The following PIGU variants were observed in gnomAD, a reference collection of about 807,000 sequenced individuals.
PIGU encodes phosphatidylinositol glycan anchor biosynthesis class U, also known as GPI-anchor transamidase component PIGU.
A neutral mutation model predicts 49.9 loss-of-function variants in PIGU; 24 were observed. The observed-to-expected ratio is 0.48, with a 90% CI of 0.35 to 0.68. The LOEUF (loss-of-function observed/expected upper bound fraction) is 0.68. Among genes scored for constraint, PIGU ranks in the 30% least tolerant of loss-of-function variants. The pLI is 0.01. For missense variants in PIGU, 490 were observed against 532.6 expected, an observed-to-expected ratio of 0.92 and a Z score of 0.79; for synonymous variants, 220 against 205.7, an observed-to-expected ratio of 1.07 and a Z score of -0.59.
chr20:34,600,329 C>T (rs1284757218), intron 7 of PIGU, among the ~76,000 whole-genome samples: 1 of 151,628 alleles, frequency 6.6e-6, no homozygotes, highest in African/African-American at 2.4e-5. Flanking sequence ...GATGCTTGAA[C>T]CTGGGAGGCG....
intron 8 of PIGU, 30 bp downstream of exon 8, chr20:34,588,423 C>G (rs185756727): frequency 2.5e-6 from 4 of 1,595,926 alleles, no homozygotes; most frequent in Admixed American, 3.4e-5. Context: ...CCCACAGCTT[C>G]TAGAATTTTC....
chr20:34,597,066 T>C (rs962224820), intron 7 of PIGU, among the ~76,000 whole-genome samples: 1 of 152,128 alleles, frequency 6.6e-6, no homozygotes, highest in Non-Finnish European at 1.5e-5. Context: ...GTGCAAAAAC[T>C]TTGAAAAACT....
intron 11 of PIGU, 49 bp downstream of exon 11, chr20:34,575,055 G>A (rs776250459): frequency 5.0e-6 from 8 of 1,602,848 alleles, no homozygotes; most frequent in Admixed American, 3.4e-5. Context: ...GCTTGAGGCT[G>A]CAAAATGAAT....
At chr20:34,618,943 G>A (rs1311455670) in intron 6 of PIGU, among the ~76,000 whole-genome samples, 3 of 152,220 alleles carry the variant, frequency 2.0e-5, no homozygotes, top group African/African-American at 7.2e-5. Flanking sequence ...AAAGTGGTCT[G>A]TATACTTGAA....
chr20:34,575,263 T>C lies in PIGU; in HGVS notation c.1052-17A>G. Reference sequence around the variant, plus strand: ...TTCTCAGGACTGCAAAGACAGAGGGTTACAGTTAGCCTGACACGCTCTCTC... The same window carrying C: ...TTCTCAGGACTGCAAAGACAGAGGGCTACAGTTAGCCTGACACGCTCTCTC... On this transcript the variant is annotated splice_polypyrimidine_tract_variant and intron_variant, in intron 10 of 11. Transcript: ENST00000217446. The C allele has an allele frequency of 6.2e-7, 1 of 1,612,274 alleles. No homozygotes were observed. Among genetic ancestry groups the C allele is most frequent in the Non-Finnish European group, 8.5e-7 (1 of 1,178,922 alleles).
chr20:34,610,515 T>C (rs1023611909), intron 7 of PIGU, among the ~76,000 whole-genome samples: 19 of 152,136 alleles, frequency 1.2e-4, no homozygotes, highest in African/African-American at 4.6e-4. Context: ...GAAGGACCTC[T>C]TCAAGGAGGA....
chr20:34,601,280 G>A (rs1161412219), intron 7 of PIGU, among the ~76,000 whole-genome samples: 3 of 152,118 alleles, frequency 2.0e-5, no homozygotes, highest in South Asian at 2.1e-4. Context: ...TTGAAGACAT[G>A]GTTTTGGAGT....
chr20:34,567,802 CCTCTCTCTCTCT>C (rs11467880), intron 11 of PIGU, among the ~76,000 whole-genome samples: 2 of 144,518 alleles, frequency 1.4e-5, no homozygotes, highest in African/African-American at 2.6e-5. Flanking sequence ...CCTCCTTCCT[CCTCTCTCTCTCT>C]CTCTCTCTCT....
chr20:34,600,089 A>T (rs1984358243), intron 7 of PIGU, among the ~76,000 whole-genome samples: 2 of 152,182 alleles, frequency 1.3e-5, no homozygotes, highest in African/African-American at 4.8e-5. Context: ...AAGTTTCAAG[A>T]GAATGATAAA....
At chr20:34,650,739 A>G (rs1986518117) in intron 2 of PIGU, among the ~76,000 whole-genome samples, 2 of 30,016 alleles carry the variant, frequency 6.7e-5, no homozygotes, top group Non-Finnish European at 1.3e-4. Flanking sequence ...TTTGAGAAGG[A>G]GTCTCATTCT....
At chr20:34,576,715 G>A (rs968406598) in intron 10 of PIGU, among the ~76,000 whole-genome samples, 1 of 152,094 alleles carries the variant, frequency 6.6e-6, no homozygotes, top group Non-Finnish European at 1.5e-5. Flanking sequence ...TCGAATTCCT[G>A]GGCTCCAGGG....
At chr20:34,565,257 GCTC>G (rs1982695620) in intron 11 of PIGU, among the ~76,000 whole-genome samples, 1 of 92,476 alleles carries the variant, frequency 1.1e-5, no homozygotes, top group African/African-American at 4.0e-5. Context: ...ACAATGCTGG[GCTC>G]CTCTAGTTTT....
chr20:34,591,197 T>G (rs1334565101), intron 7 of PIGU, among the ~76,000 whole-genome samples: 1 of 152,036 alleles, frequency 6.6e-6, no homozygotes, highest in Non-Finnish European at 1.5e-5. Flanking sequence ...AATAGTCCAA[T>G]AATGATAAAA....
At chr20:34,575,303 T>C in intron 10 of PIGU, 57 bp from the exon 11 acceptor site, 1 of 1,578,758 alleles carries the variant, frequency 6.3e-7, no homozygotes, top group South Asian at 1.2e-5. Flanking sequence ...ATGCTTTCCC[T>C]GCTGCAATGG....
At chr20:34,633,563 G>C (rs1318298298) in intron 6 of PIGU, among the ~76,000 whole-genome samples, 1 of 151,718 alleles carries the variant, frequency 6.6e-6, no homozygotes, top group Admixed American at 6.6e-5. Flanking sequence ...TGGTACCAAA[G>C]AGCTAAATTT....
chr20:34,613,361 G>A (rs888751559), intron 7 of PIGU, among the ~76,000 whole-genome samples: 1 of 152,216 alleles, frequency 6.6e-6, no homozygotes, highest in Non-Finnish European at 1.5e-5. Context: ...TAGGTACTTA[G>A]TAAATATTGG....
At chr20:34,584,109 G>A (rs2146708601) in intron 9 of PIGU, among the ~76,000 whole-genome samples, 1 of 152,290 alleles carries the variant, frequency 6.6e-6, no homozygotes. Context: ...AGACAAACCT[G>A]AGTCTAAATC....
intron 7 of PIGU, among the ~76,000 whole-genome samples, chr20:34,610,964 C>G (rs1462460419): frequency 6.6e-6 from 1 of 152,136 alleles, no homozygotes; most frequent in African/African-American, 2.4e-5. Context: ...GAAAGGATTC[C>G]CTATTTAATA....
rs568151187 is a variant in PIGU, at chr20:34,580,818, A to G, written c.1051+730T>C. Among the ~76,000 whole-genome samples, 71 of 152,294 alleles carry G rather than the reference A, an allele frequency of 4.7e-4. 1 individual carries two copies. The highest frequency in any genetic ancestry group is 1.7e-3 in the African/African-American group (71 of 41,540). ...GAACCCACCATAGAGGGCTAAGAGC[A>G]CTGGGGGCCTAGGCAGCACAGATAG... On this transcript the variant is annotated intron_variant, in intron 10 of 11. Coordinates refer to ENST00000217446, the MANE Select transcript of PIGU (RefSeq NM_080476.5).
Sources: allele counts gnomAD v4.1 joint callset (sites outside exome capture counted in the v4.1 genomes callset), GRCh38; gene constraint gnomAD v4.1.1; transcripts MANE v1.5; gene names NCBI Gene and HGNC (gene_info 2026-07-23, HGNC 2026-07-21).